Variants in DLGAP1 observed in about 807,000 individuals in gnomAD.
DLGAP1 encodes the protein DLG associated protein 1.
Under a neutral mutation model 90.8 loss-of-function variants are expected in DLGAP1, and 11 were observed. The ratio of observed to expected loss-of-function variants is 0.12; its 90% CI spans 0.08 to 0.20. The LOEUF is 0.20. DLGAP1 is among the 10% of genes least tolerant of loss of function. The pLI is 1.00. For synonymous variants in DLGAP1, 558 were observed against 540.7 expected (o/e 1.03, Z -0.44); for missense variants, 1,050 against 1,333.8 (o/e 0.79, Z 3.31).
intron 3 of DLGAP1, among the ~76,000 whole-genome samples, chr18:3,880,744 A>G (rs111273447): frequency 0.018 from 2,806 of 151,896 alleles, 47 homozygotes; most frequent in Non-Finnish European, 0.027. Context: ...GGAGTTTGAG[A>G]CCAGCCTGGC....
chr18:3,609,832 T>C (rs75818556), intron 7 of DLGAP1, among the ~76,000 whole-genome samples: 1 of 151,342 alleles, frequency 6.6e-6, no homozygotes, highest in Admixed American at 6.6e-5. Context: ...CCGAGGTGGG[T>C]GGATCATTTG....
chr18:3,942,023 T>A (rs1488905779), intron 3 of DLGAP1, among the ~76,000 whole-genome samples: 1 of 152,200 alleles, frequency 6.6e-6, no homozygotes, highest in Non-Finnish European at 1.5e-5. Context: ...GAGATGATGA[T>A]GAAAATTAGA....
intron 6 of DLGAP1, among the ~76,000 whole-genome samples, chr18:3,730,682 C>A (rs886614824): frequency 6.6e-6 from 1 of 152,034 alleles, no homozygotes; most frequent in African/African-American, 2.4e-5. Flanking sequence ...TTTGTATTAT[C>A]TGAAGTTGTG....
In DLGAP1 at chr18:3,905,366, C is replaced by CAAAAAAAAA. The variant is rs71160924; in HGVS notation, c.-72-25235_-72-25227dup. ...TGGGCAACAGAGTGAGACTCCATCTCAAAAAAAAAAAAAAAAAAAAAAAAA... is the reference window on the plus strand; with the variant it reads ...TGGGCAACAGAGTGAGACTCCATCTCAAAAAAAAAAAAAAAAAAAAAAAAAAAAAAAAAA... On this transcript the variant is annotated intron_variant, in intron 3 of 12. Coordinates refer to ENST00000315677, the MANE Select transcript of DLGAP1 (RefSeq NM_004746.4). 8.8e-3 allele frequency among the ~76,000 whole-genome samples: 175 copies of CAAAAAAAAA among 19,834 alleles called. 1 individual carries two copies. Among genetic ancestry groups the CAAAAAAAAA allele is most frequent in the East Asian group, 0.013 (7 of 528 alleles). The allele number at this position is 19,834 out of a possible 152,430, so 13.0% of individuals were successfully genotyped here.
intron 7 of DLGAP1, among the ~76,000 whole-genome samples, chr18:3,712,049 G>C (rs550336598): frequency 1.3e-5 from 2 of 152,204 alleles, no homozygotes; most frequent in Admixed American, 6.5e-5. Context: ...GGGGTGGCAT[G>C]GGGGGAGCAT....
chr18:3,562,427 T>C (rs778705778), intron 9 of DLGAP1, among the ~76,000 whole-genome samples: 1 of 151,918 alleles, frequency 6.6e-6, no homozygotes, highest in East Asian at 1.9e-4. Context: ...CAGGAGGTGA[T>C]TGAATCATGG....
chr18:3,682,490 G>A (rs989504144), intron 7 of DLGAP1, among the ~76,000 whole-genome samples: 2 of 152,202 alleles, frequency 1.3e-5, no homozygotes, highest in East Asian at 3.8e-4. Context: ...TAGATGTGTG[G>A]TACAGAAAAT....
chr18:4,046,265 T>C (rs773018480), intron 2 of DLGAP1, among the ~76,000 whole-genome samples: 52 of 152,342 alleles, frequency 3.4e-4, no homozygotes, highest in Non-Finnish European at 6.6e-4. Flanking sequence ...CTTCTAAAGA[T>C]TGCATAATAG....
chr18:3,551,722 C>CCTA (rs2053473196), intron 9 of DLGAP1, among the ~76,000 whole-genome samples: 20 of 12,536 alleles, frequency 1.6e-3, no homozygotes, highest in African/African-American at 7.4e-3. Flanking sequence ...CTCCCTCCCT[C>CCTA]CCTTCCTTCC....
At chr18:3,657,606 T>C (rs925492512) in intron 7 of DLGAP1, among the ~76,000 whole-genome samples, 1 of 149,728 alleles carries the variant, frequency 6.7e-6, no homozygotes, top group Admixed American at 6.6e-5. Flanking sequence ...TGGAATTCTT[T>C]TTTTTTTTTT....
At chr18:4,150,084 C>T (rs2144392484) in intron 2 of DLGAP1, among the ~76,000 whole-genome samples, 1 of 152,300 alleles carries the variant, frequency 6.6e-6, no homozygotes, top group South Asian at 2.1e-4. Flanking sequence ...GGTAGACTTG[C>T]TAACCCACCC....
At chr18:3,609,326 T>G (rs1489597297) in intron 7 of DLGAP1, among the ~76,000 whole-genome samples, 1 of 152,200 alleles carries the variant, frequency 6.6e-6, no homozygotes, top group Non-Finnish European at 1.5e-5. Flanking sequence ...GGATTTGAGG[T>G]GTGATCCACC....
intron 2 of DLGAP1, among the ~76,000 whole-genome samples, chr18:4,012,085 A>C (rs7245170): frequency 2.0e-5 from 3 of 151,676 alleles, no homozygotes; most frequent in Non-Finnish European, 4.4e-5. Flanking sequence ...ATTCAAGCCC[A>C]ATCCTTTTCC....
chr18:3,922,264 G>C (rs2072284120), intron 3 of DLGAP1, among the ~76,000 whole-genome samples: 2 of 152,280 alleles, frequency 1.3e-5, no homozygotes, highest in Non-Finnish European at 2.9e-5. Flanking sequence ...AAGAAAATAA[G>C]TGAGGAAAAA....
intron 1 of DLGAP1, among the ~76,000 whole-genome samples, chr18:4,371,953 T>C (rs539503842): frequency 5.3e-5 from 8 of 152,318 alleles, no homozygotes; most frequent in East Asian, 3.9e-4. Context: ...TCTCTGAACA[T>C]AGAATATTAA....
intron 4 of DLGAP1, among the ~76,000 whole-genome samples, chr18:3,838,375 G>C (rs1052986973): frequency 6.6e-5 from 10 of 152,138 alleles, no homozygotes; most frequent in African/African-American, 2.4e-4. Context: ...TCTCAGCAGT[G>C]GTAAAGCATC....
intron 7 of DLGAP1, among the ~76,000 whole-genome samples, chr18:3,724,814 T>C (rs1299298371): frequency 6.6e-6 from 1 of 150,542 alleles, no homozygotes; most frequent in Non-Finnish European, 1.5e-5. Context: ...GAGGCTGAGG[T>C]GGAGGATCGC....
intron 2 of DLGAP1, among the ~76,000 whole-genome samples, chr18:4,099,760 G>A (rs2075750616): frequency 6.6e-6 from 1 of 150,676 alleles, no homozygotes; most frequent in Admixed American, 6.6e-5. Flanking sequence ...CTGGAGTGCA[G>A]TGGTGCAATC....
chr18:4,004,829 T>G (rs1175403961), intron 3 of DLGAP1, among the ~76,000 whole-genome samples: 2 of 152,142 alleles, frequency 1.3e-5, no homozygotes, highest in Non-Finnish European at 2.9e-5. Flanking sequence ...CATTGACATT[T>G]TCGGCACAGG....
Sources: allele counts gnomAD v4.1 joint callset (sites outside exome capture counted in the v4.1 genomes callset), GRCh38; gene constraint gnomAD v4.1.1; transcripts MANE v1.5; gene names NCBI Gene and HGNC (gene_info 2026-07-23, HGNC 2026-07-21).